The following FKTN variants were observed in gnomAD, a reference collection of about 807,000 sequenced individuals.
The protein encoded by FKTN is fukutin.
In FKTN, 47 loss-of-function variants were observed where a neutral mutation model predicts 58.6. The ratio of observed to expected loss-of-function variants is 0.80; its 90% CI spans 0.63 to 1.02. The LOEUF is 1.02. FKTN is among the 50% of genes least tolerant of loss of function. The pLI, the probability that FKTN is intolerant of heterozygous loss-of-function variation, is 0.00. For synonymous variants in FKTN, 178 were observed against 191.9 expected (o/e 0.93, Z 0.60); for missense variants, 516 against 537.3 (o/e 0.96, Z 0.39).
At chr9:105,620,133 A>T (rs990541478) in intron 10 of FKTN, 72 bp downstream of exon 10, 3 of 1,391,960 alleles carry the variant, frequency 2.2e-6, no homozygotes, top group Non-Finnish European at 3.0e-6. Context: ...ATAAAGAAGT[A>T]ACTGAAAAGA....
At chr9:105,594,491 C>T (rs564177726) in intron 3 of FKTN, among the ~76,000 whole-genome samples, 1 of 152,338 alleles carries the variant, frequency 6.6e-6, no homozygotes, top group Admixed American at 6.5e-5. Context: ...GATATGGTGT[C>T]TCACACCTGG....
rs1238906881 is a variant in FKTN, at chr9:105,575,101, T to C, written c.69T>C (p.Phe23=). 2 of 1,609,184 alleles carry C rather than the reference T, an allele frequency of 1.2e-6. No individual in the cohort carries two copies. The highest frequency in any genetic ancestry group is 1.7e-5 in the Admixed American group (1 of 60,010). ...LTLTSSAFLL[F]QLYYYKHYLS... ...TGACAAGTTCTGCATTTCTGCTGTT[T>C]CAGTTGTACTACTACAAGCACTATT... Residue 23 remains phenylalanine, a synonymous_variant, in exon 3 of 11, where the codon TTT becomes TTC. Coordinates refer to ENST00000357998, the MANE Select transcript of FKTN (RefSeq NM_001079802.2).
At chr9:105,566,020 G>A (rs1839521487) in intron 1 of FKTN, among the ~76,000 whole-genome samples, 1 of 152,160 alleles carries the variant, frequency 6.6e-6, no homozygotes, top group South Asian at 2.1e-4. Flanking sequence ...CAAATACATG[G>A]AAACTGAACA....
rs1197160726 is a variant in FKTN, at chr9:105,604,233, G to A, written c.388G>A (p.Ala130Thr). 2 of 1,612,508 alleles carry A rather than the reference G, an allele frequency of 1.2e-6. No homozygotes were observed. Among genetic ancestry groups the A allele is most frequent in the East Asian group, 4.5e-5 (2 of 44,882 alleles). ...WKNEEGWFRI[A>T]ENMGFQCLKI... The stretch of plus-strand genomic sequence containing the variant: ...GTTCTAGGAAGGCTGGTTTCGGATA[G>A]CTGAGAATATGGGATTTCAGTGCCT... The change falls in exon 6 of 11, where the codon GCT (alanine) becomes ACT (threonine). Residue 130 changes from alanine to threonine, a missense_variant. Coordinates refer to ENST00000357998, the MANE Select transcript of FKTN (RefSeq NM_001079802.2).
chr9:105,560,735 A>C (rs1272553873), intron 1 of FKTN, among the ~76,000 whole-genome samples: 1 of 152,170 alleles, frequency 6.6e-6, no homozygotes, highest in African/African-American at 2.4e-5. Context: ...TATTAAGATA[A>C]ATACCCAAGT....
chr9:105,638,921 ATACAT>A lies in FKTN; in HGVS notation c.*3659_*3663del. The A allele has an allele frequency of 1.0e-6, 1 of 985,336 alleles. No homozygotes were observed. Among genetic ancestry groups the A allele is most frequent in the Non-Finnish European group, 1.2e-6 (1 of 829,878 alleles). 61.0% of individuals were successfully genotyped at this position (985,336 alleles called of 1,614,324 possible). A position where few individuals can be genotyped will look rare whatever the true frequency, so the allele number is the denominator to read the frequency against. ...ATATTACATAGGTAAGCAGGAATTTATACATTGGGTACCAGAGCTAAATCTGGAAA... is the reference window on the plus strand; with the variant it reads ...ATATTACATAGGTAAGCAGGAATTTATGGGTACCAGAGCTAAATCTGGAAA... On this transcript the variant is annotated 3_prime_UTR_variant, in exon 11 of 11. Transcript: ENST00000357998.
At chr9:105,586,090 A>G (rs1053400054) in intron 3 of FKTN, among the ~76,000 whole-genome samples, 2 of 152,128 alleles carry the variant, frequency 1.3e-5, no homozygotes, top group Non-Finnish European at 2.9e-5. Context: ...GTTTAAGGAG[A>G]CTTACTTTTG....
At chr9:105,618,827 T>C (rs1270372892) in intron 9 of FKTN, among the ~76,000 whole-genome samples, 6 of 151,742 alleles carry the variant, frequency 4.0e-5, no homozygotes, top group East Asian at 1.9e-4. Flanking sequence ...CCCAGCACTA[T>C]GGGAGGCCGA....
At chr9:105,620,955 A>G (rs939802534) in intron 10 of FKTN, among the ~76,000 whole-genome samples, 4 of 152,100 alleles carry the variant, frequency 2.6e-5, no homozygotes, top group Non-Finnish European at 5.9e-5. Context: ...TCTAAGAAAG[A>G]TAATTTCTAG....
intron 4 of FKTN, chr9:105,600,914 G>C (rs913850257): frequency 2.3e-6 from 1 of 429,608 alleles, no homozygotes; most frequent in Non-Finnish European, 4.2e-6. Context: ...TGTTTTTCTT[G>C]TAGCATATTT....
At position 105,640,212 on chromosome 9, in the gene FKTN, T is replaced by C. The variant is rs1834326006; in HGVS notation, c.*4948T>C. 7.3e-6 allele frequency: 11 copies of C among 1,509,768 alleles called. No homozygotes were observed. Among genetic ancestry groups the C allele is most frequent in the Non-Finnish European group, 8.0e-6 (9 of 1,131,586 alleles). The allele number at this position is 1,509,768 out of a possible 1,614,324, so 93.5% of individuals were successfully genotyped here. A position where few individuals can be genotyped will look rare whatever the true frequency, so the allele number is the denominator to read the frequency against. On this transcript the variant is annotated 3_prime_UTR_variant, in exon 11 of 11. Coordinates refer to ENST00000357998, the MANE Select transcript of FKTN (RefSeq NM_001079802.2). ...TAATTCAATGGCAATACCTTTTGTATAGGTCCTGTGCTTAAAGGAGGCAAG... is the reference window on the plus strand; with the variant it reads ...TAATTCAATGGCAATACCTTTTGTACAGGTCCTGTGCTTAAAGGAGGCAAG...
At chr9:105,563,607 G>T (rs1304648900) in intron 1 of FKTN, among the ~76,000 whole-genome samples, 3 of 152,060 alleles carry the variant, frequency 2.0e-5, no homozygotes, top group African/African-American at 4.8e-5. Context: ...CTGGGGGGGG[G>T]GGCACCCGCC....
At chr9:105,599,554 A>T (rs550554387) in intron 4 of FKTN, among the ~76,000 whole-genome samples, 5 of 145,928 alleles carry the variant, frequency 3.4e-5, no homozygotes, top group Admixed American at 6.9e-5. Flanking sequence ...GCTCACTGCA[A>T]CCTCCACCTT....
chr9:105,570,382 T>A (rs1336174464), intron 1 of FKTN, among the ~76,000 whole-genome samples: 1 of 152,164 alleles, frequency 6.6e-6, no homozygotes, highest in African/African-American at 2.4e-5. Flanking sequence ...GTTAGTTGCC[T>A]CTCCTTGTGC....
At position 105,635,336 on chromosome 9, in the gene FKTN, T is replaced by C. The variant is rs1833957221; in HGVS notation, c.*72T>C. ...GATAACTGTTTAAAAAATACATGTC[T>C]ATTTGTCAAACATAAGTGGGAACCA... On this transcript the variant is annotated 3_prime_UTR_variant, in exon 11 of 11. Transcript: ENST00000357998. 3 of 1,604,292 alleles carry C rather than the reference T, an allele frequency of 1.9e-6. No homozygotes were observed. The South Asian group carries it at 3.4e-5, about 18-fold the overall frequency.
intron 3 of FKTN, among the ~76,000 whole-genome samples, chr9:105,590,211 G>T (rs1322348456): frequency 6.6e-6 from 1 of 152,136 alleles, no homozygotes; most frequent in Non-Finnish European, 1.5e-5. Flanking sequence ...TACTGTTCTT[G>T]TGGTAGCAAA....
intron 3 of FKTN, among the ~76,000 whole-genome samples, chr9:105,590,584 G>A (rs1844688682): frequency 6.6e-6 from 1 of 152,158 alleles, no homozygotes; most frequent in Non-Finnish European, 1.5e-5. Flanking sequence ...TCGATGTAGG[G>A]TATTAGAGTG....
intron 1 of FKTN, among the ~76,000 whole-genome samples, chr9:105,569,439 T>C (rs1280528820): frequency 1.3e-5 from 2 of 152,090 alleles, no homozygotes; most frequent in African/African-American, 4.8e-5. Flanking sequence ...TTCCAAGCCT[T>C]TTCACATCTT....
intron 1 of FKTN, among the ~76,000 whole-genome samples, chr9:105,568,388 A>G (rs1840088882): frequency 6.6e-6 from 1 of 152,176 alleles, no homozygotes; most frequent in East Asian, 1.9e-4. Flanking sequence ...TTTGCAATCT[A>G]CTCATCTGAC....
Sources: gnomAD v4.1 joint callset for allele counts (sites outside exome capture counted in the v4.1 genomes callset) on GRCh38, gnomAD v4.1.1 for gene constraint, MANE v1.5 for transcripts, NCBI Gene and HGNC (gene_info 2026-07-23, HGNC 2026-07-21) for gene names.